The following RNF19B variants were observed in gnomAD, a reference collection of about 807,000 sequenced individuals.
The protein encoded by RNF19B is E3 ubiquitin-protein ligase RNF19B.
In RNF19B, 23 loss-of-function variants were observed where a neutral mutation model predicts 65.5. That is an observed-to-expected ratio of 0.35 (90% confidence interval 0.25 to 0.50). The LOEUF (loss-of-function observed/expected upper bound fraction) is 0.50, where lower values mean the gene tolerates loss of function less well. RNF19B is among the 20% of genes least tolerant of loss of function. RNF19B has a pLI of 0.98. For synonymous variants in RNF19B, 372 were observed against 379.6 expected (o/e 0.98, Z 0.23); for missense variants, 794 against 980.0 (o/e 0.81, Z 2.53).
intron 7 of RNF19B, 104 bp from the exon 8 acceptor site, chr1:32,938,632 T>G (rs953285636): frequency 3.3e-6 from 4 of 1,205,838 alleles, no homozygotes; most frequent in Non-Finnish European, 4.7e-6. Context: ...AAATTGTGGT[T>G]GTCTGTCTGA....
At chr1:32,953,253 C>T (rs1217941181) in intron 1 of RNF19B, among the ~76,000 whole-genome samples, 1 of 151,860 alleles carries the variant, frequency 6.6e-6, no homozygotes, top group Admixed American at 6.6e-5. Context: ...GGATTACAGG[C>T]GTGAGCCACC....
rs758909209 is a variant in RNF19B at position 32,937,019 on chromosome 1, G to A, written c.1983C>T (p.Ser661=). 1 of 1,614,202 alleles carries A rather than the reference G, an allele frequency of 6.2e-7. No homozygotes were observed. The highest frequency in any genetic ancestry group is 8.5e-7 in the Non-Finnish European group (1 of 1,180,046). ...PWDISLAQPE[S]IRSDLESSDA... ...CAGAACTCTCTAGGTCACTGCGGAT[G>A]CTTTCAGGCTGGGCCAGGCTGATGT... The change falls in exon 9 of 9, where the codon AGC becomes AGT. Residue 661 remains serine (S), a synonymous_variant. Coordinates refer to ENST00000235150, the MANE Select transcript of RNF19B (RefSeq NM_001300826.2).
rs1186879367 is a variant in RNF19B at position 32,944,053 on chromosome 1, T to A, written c.1368A>T (p.Lys456Asn). The change falls in exon 6 of 9, where the codon AAA (lysine) becomes AAT (asparagine). Residue 456 changes from lysine to asparagine, a missense_variant. By Grantham distance (94) the Lys-to-Asn change is moderately conservative. Coordinates refer to ENST00000235150, the MANE Select transcript of RNF19B (RefSeq NM_001300826.2). ...GVSTANGKGV[K>N]IEFDEDDGPI... ...GACCATCATCTTCATCAAATTCAAT[T>A]TTCACTCCTTTTCCGTTGGCTGTGC... 6.2e-7 allele frequency: 1 copy of A among 1,612,520 alleles called. No individual in the cohort carries two copies. The highest frequency in any genetic ancestry group is 1.3e-5 in the African/African-American group (1 of 74,880).
rs2124098590 is a variant in RNF19B, at chr1:32,936,620, C to G, written c.*186G>C. ...GAGGGGAGGGGAGGGGAACTAACGGCAAACTTTTCATGTTTTATCTGGTAA... is the reference window on the plus strand; with the variant it reads ...GAGGGGAGGGGAGGGGAACTAACGGGAAACTTTTCATGTTTTATCTGGTAA... On this transcript the variant is annotated 3_prime_UTR_variant, in exon 9 of 9. Transcript: ENST00000235150. The G allele has an allele frequency of 1.7e-6, 1 of 598,566 alleles. No individual in the cohort carries two copies. Among genetic ancestry groups the G allele is most frequent in the East Asian group, 3.1e-5 (1 of 32,554 alleles). The allele number at this position is 598,566 out of a possible 1,614,324, so 37.1% of individuals were successfully genotyped here. A position where few individuals can be genotyped will look rare whatever the true frequency, so the allele number is the denominator to read the frequency against.
downstream of RNF19B, among the ~76,000 whole-genome samples, chr1:32,933,743 C>T (rs1019580291): frequency 1.1e-4 from 17 of 152,108 alleles, no homozygotes; most frequent in African/African-American, 4.1e-4. Flanking sequence ...TCTTCTTCTT[C>T]CTGCAGGAGG....
In RNF19B at chr1:32,964,603, C is replaced by T; in HGVS notation, c.83G>A (p.Gly28Asp). ...AAPDPKCRSG[G>D]RRRRLTLHSV... is the part of the protein sequence containing the mutation. ...GTGCAAGGTGAGGCGCCGGCGCCGGCCGCCGCTGCGGCACTTAGGGTCGGG... is the reference window on the plus strand; with the variant it reads ...GTGCAAGGTGAGGCGCCGGCGCCGGTCGCCGCTGCGGCACTTAGGGTCGGG... Residue 28 changes from glycine (G) to aspartate (D), a missense_variant, in exon 1 of 9, where the codon GGC becomes GAC. Gly to Asp is a moderately conservative substitution (Grantham distance 94). Around this residue, in one of 3 missense-constraint regions of RNF19B, gnomAD observed 374 missense variants for 423.8 expected, o/e 0.88. Coordinates refer to ENST00000235150, the MANE Select transcript of RNF19B (RefSeq NM_001300826.2). This position sits in a 1 kb window ranked among gnomAD's most constrained non-coding sequence, Gnocchi z 6.5. 1.4e-6 allele frequency: 2 copies of T among 1,455,922 alleles called. No homozygotes were observed. Among genetic ancestry groups the T allele is most frequent in the Non-Finnish European group, 1.8e-6 (2 of 1,107,242 alleles). 90.2% of individuals were successfully genotyped at this position (1,455,922 alleles called of 1,614,324 possible).
chr1:32,935,044 A>T (rs193199251), downstream of RNF19B, among the ~76,000 whole-genome samples: 1 of 150,504 alleles, frequency 6.6e-6, no homozygotes, highest in African/African-American at 2.4e-5. Flanking sequence ...GTTGGCCAGG[A>T]TGGTCTTGAT....
chr1:32,962,975 C>G (rs1419815595), intron 1 of RNF19B, among the ~76,000 whole-genome samples: 1 of 152,178 alleles, frequency 6.6e-6, no homozygotes, highest in Admixed American at 6.5e-5. Context: ...GCAGATATTG[C>G]ATATTTTAAT....
Position 32,959,360 on chromosome 1 carries a change from G to A in RNF19B, c.635+4691C>T, listed in dbSNP as rs186287753. Among the ~76,000 whole-genome samples, 791 of 152,260 alleles carry A rather than the reference G, an allele frequency of 5.2e-3. 9 individuals are homozygous for A. Among genetic ancestry groups the A allele is most frequent in the African/African-American group, 0.018 (729 of 41,522 alleles). Reference sequence around the variant, plus strand: ...TTTCTGTTGCCTACTTTGCTCACCCGTCAGTCTCCTAGAGATTCTGAAAGG... The same window carrying A: ...TTTCTGTTGCCTACTTTGCTCACCCATCAGTCTCCTAGAGATTCTGAAAGG... On this transcript the variant is annotated intron_variant, in intron 1 of 8. Coordinates refer to ENST00000235150, the MANE Select transcript of RNF19B (RefSeq NM_001300826.2).
chr1:32,961,902 A>G (rs1642778666), intron 1 of RNF19B, among the ~76,000 whole-genome samples: 1 of 152,148 alleles, frequency 6.6e-6, no homozygotes. Flanking sequence ...GATCTGCCAC[A>G]TTTCTTAGAA....
chr1:32,962,147 T>G (rs1642785154), intron 1 of RNF19B, among the ~76,000 whole-genome samples: 1 of 152,120 alleles, frequency 6.6e-6, no homozygotes, highest in Admixed American at 6.6e-5. Flanking sequence ...TTTTCTATTT[T>G]TAGCAGAGAC....
downstream of RNF19B, among the ~76,000 whole-genome samples, chr1:32,932,722 A>G (rs542660925): frequency 6.6e-6 from 1 of 152,150 alleles, no homozygotes; most frequent in Non-Finnish European, 1.5e-5. Context: ...TGGCCCAAAG[A>G]AATCTAAAAT....
chr1:32,944,132 T>C lies in RNF19B; in HGVS notation c.1289A>G (p.Tyr430Cys), dbSNP rs1642309127. 1.2e-6 allele frequency: 2 copies of C among 1,613,434 alleles called. No homozygotes were observed. Among genetic ancestry groups the C allele is most frequent in the African/African-American group, 1.3e-5 (1 of 74,918 alleles). The change falls in exon 6 of 9, where the codon TAT becomes TGT. Residue 430 changes from tyrosine to cysteine, a missense_variant. Tyr to Cys is a radical substitution (Grantham distance 194). This residue lies in a region of RNF19B where 368 missense variants were observed against 447.3 expected (regional missense o/e 0.82). Transcript: ENST00000235150. ...VGIGVPIMLA[Y>C]VYGVVPISLC... ...AGAAATGGGCACAACCCCATAAACATATGCCAGCATAATGGGGACACCAAT... is the reference window on the plus strand; with the variant it reads ...AGAAATGGGCACAACCCCATAAACACATGCCAGCATAATGGGGACACCAAT...
At chr1:32,959,967 C>T (rs1642731740) in intron 1 of RNF19B, among the ~76,000 whole-genome samples, 1 of 151,518 alleles carries the variant, frequency 6.6e-6, no homozygotes, top group South Asian at 2.1e-4. Flanking sequence ...AGGAGAATGG[C>T]GTGAACCCGG....
chr1:32,943,440 A>C (rs552541890), intron 6 of RNF19B, among the ~76,000 whole-genome samples: 115 of 151,814 alleles, frequency 7.6e-4, no homozygotes, highest in South Asian at 4.0e-3. Flanking sequence ...TGAAACACCA[A>C]ACCCCGTCTA....
At chr1:32,956,701 G>T (rs2124177271) in intron 1 of RNF19B, among the ~76,000 whole-genome samples, 1 of 152,230 alleles carries the variant, frequency 6.6e-6, no homozygotes, top group East Asian at 1.9e-4. Context: ...TTCATAAAGT[G>T]ACAAGCTAGA....
At chr1:32,944,442 A>G (rs564810170) in intron 5 of RNF19B, among the ~76,000 whole-genome samples, 24 of 152,318 alleles carry the variant, frequency 1.6e-4, no homozygotes, top group African/African-American at 4.1e-4. Context: ...TTTGCACAGT[A>G]AATATATGTT....
chr1:32,942,293 C>G lies in RNF19B; in HGVS notation c.1569G>C (p.Leu523=), dbSNP rs1255772623. 3 of 1,613,144 alleles carry G rather than the reference C, an allele frequency of 1.9e-6. No homozygotes were observed. Among genetic ancestry groups the G allele is most frequent in the Non-Finnish European group, 2.5e-6 (3 of 1,179,126 alleles). ...ASFAALSGGT[L]SGGILSSGKG... ...TGCCACTGGAGAGAATGCCGCCACTCAGCGTGCCCCCTGAGAGGGCTGCAA... is the reference window on the plus strand; with the variant it reads ...TGCCACTGGAGAGAATGCCGCCACTGAGCGTGCCCCCTGAGAGGGCTGCAA... The change falls in exon 7 of 9, where the codon CTG becomes CTC. Residue 523 remains leucine (L), a synonymous_variant. Coordinates refer to ENST00000235150, the MANE Select transcript of RNF19B (RefSeq NM_001300826.2).
intron 7 of RNF19B, among the ~76,000 whole-genome samples, chr1:32,940,582 T>G (rs987439400): frequency 6.6e-6 from 1 of 152,218 alleles, no homozygotes; most frequent in Non-Finnish European, 1.5e-5. Flanking sequence ...CTTTAGCTTC[T>G]GCCAAGTCAT....
Sources: allele counts gnomAD v4.1 joint callset (sites outside exome capture counted in the v4.1 genomes callset), GRCh38; gene constraint gnomAD v4.1.1; regional missense constraint gnomAD v4.1.1; non-coding constraint Gnocchi (gnomAD v3.1); transcripts MANE v1.5; gene names NCBI Gene and HGNC (gene_info 2026-07-23, HGNC 2026-07-21).